The following EPM2A variants were observed in gnomAD, a reference collection of about 807,000 sequenced individuals.
The protein encoded by EPM2A is laforin.
EPM2A carries 21 observed loss-of-function variants against 26.5 expected under a neutral mutation model. That is an observed-to-expected ratio of 0.79 (90% CI 0.56 to 1.14). The LOEUF is 1.14. Ranked by LOEUF, EPM2A falls within the 50% of genes most tolerant of loss-of-function variation. The pLI is 0.00. For synonymous variants in EPM2A, 217 were observed against 177.6 expected (o/e 1.22, Z -1.76); for missense variants, 458 against 440.8 (o/e 1.04, Z -0.35).
intron 2 of EPM2A, among the ~76,000 whole-genome samples, chr6:145,538,773 T>C (rs1373002520): frequency 2.6e-5 from 4 of 152,260 alleles, no homozygotes; most frequent in Non-Finnish European, 5.9e-5. Context: ...ATGGTAGCCA[T>C]ATACAGTACT....
intron 1 of EPM2A, among the ~76,000 whole-genome samples, chr6:145,709,903 T>G (rs55810423): frequency 0.55 from 82,849 of 151,940 alleles, 23,146 homozygotes; most frequent in East Asian, 0.74. Context: ...CTGGGAAAAA[T>G]GGCTAGCCAT....
chr6:145,477,763 T>C (rs1779560619), intron 4 of EPM2A, among the ~76,000 whole-genome samples: 2 of 151,830 alleles, frequency 1.3e-5, no homozygotes, highest in Admixed American at 1.3e-4. Context: ...ACAAACTGGG[T>C]ATAGAAGGAA....
chr6:145,604,431 G>A (rs56085237), intron 2 of EPM2A, among the ~76,000 whole-genome samples: 5,595 of 152,064 alleles, frequency 0.037, 151 homozygotes, highest in Non-Finnish European at 0.06. Flanking sequence ...TAAAACATAT[G>A]TATATTTGAA....
At chr6:145,556,780 A>C (rs1374205875) in intron 2 of EPM2A, among the ~76,000 whole-genome samples, 1 of 152,106 alleles carries the variant, frequency 6.6e-6, no homozygotes, top group African/African-American at 2.4e-5. Flanking sequence ...AATATATGCA[A>C]CCATATCACA....
intron 1 of EPM2A, among the ~76,000 whole-genome samples, chr6:145,710,879 C>A (rs867299601): frequency 2.0e-5 from 3 of 149,418 alleles, no homozygotes; most frequent in South Asian, 2.1e-4. Context: ...GGACAAAAAA[C>A]CAAACACCAC....
At chr6:145,693,083 C>T (rs1305129734) in intron 1 of EPM2A, among the ~76,000 whole-genome samples, 5 of 151,846 alleles carry the variant, frequency 3.3e-5, no homozygotes, top group Non-Finnish European at 7.4e-5. Context: ...TCATCCCTGA[C>T]TCCTTTGATC....
chr6:145,593,648 T>C (rs1431158607), intron 2 of EPM2A, among the ~76,000 whole-genome samples: 2 of 152,052 alleles, frequency 1.3e-5, no homozygotes, highest in African/African-American at 2.4e-5. Context: ...TTCCCAAATA[T>C]TGAAAGACTA....
chr6:145,689,681 C>A (rs1436535884), intron 1 of EPM2A, among the ~76,000 whole-genome samples: 2 of 152,240 alleles, frequency 1.3e-5, no homozygotes, highest in African/African-American at 4.8e-5. Context: ...TCCAGTCAAA[C>A]CCACTGAAAA....
At chr6:145,613,763 C>T (rs181889522) in intron 2 of EPM2A, among the ~76,000 whole-genome samples, 6 of 152,226 alleles carry the variant, frequency 3.9e-5, no homozygotes, top group East Asian at 1.9e-4. Context: ...TGTTAATATA[C>T]TCAGTAAACC....
At chr6:145,609,064 G>C (rs567281147) in intron 2 of EPM2A, among the ~76,000 whole-genome samples, 5 of 152,322 alleles carry the variant, frequency 3.3e-5, no homozygotes, top group African/African-American at 9.6e-5. Context: ...AAAGAAGGAA[G>C]TTCTTCCAGT....
chr6:145,617,217 A>G (rs1344117103), intron 2 of EPM2A, among the ~76,000 whole-genome samples: 1 of 152,164 alleles, frequency 6.6e-6, no homozygotes, highest in Non-Finnish European at 1.5e-5. Context: ...TGATGATTTT[A>G]AAAAGGGGAG....
At chr6:145,540,497 CA>C (rs1346691896) in intron 2 of EPM2A, among the ~76,000 whole-genome samples, 3 of 152,120 alleles carry the variant, frequency 2.0e-5, no homozygotes, top group Admixed American at 2.0e-4. Flanking sequence ...ACAACCTCAA[CA>C]AATTTTTTTC....
At chr6:145,400,841 G>T (rs1421250243) in intron 4 of EPM2A, among the ~76,000 whole-genome samples, 1 of 151,808 alleles carries the variant, frequency 6.6e-6, no homozygotes, top group Admixed American at 6.6e-5. Context: ...CTTAATTTTT[G>T]GTTTCATCCG....
chr6:145,438,707 C>T (rs188217636), intron 4 of EPM2A, among the ~76,000 whole-genome samples: 138 of 152,030 alleles, frequency 9.1e-4, no homozygotes, highest in Middle Eastern at 3.4e-3. Context: ...CTCCTGACCT[C>T]GTGATCCACC....
At chr6:145,434,833 T>C (rs1425017000) in intron 4 of EPM2A, among the ~76,000 whole-genome samples, 1 of 152,122 alleles carries the variant, frequency 6.6e-6, no homozygotes, top group Non-Finnish European at 1.5e-5. Context: ...CCTCTAAATC[T>C]CATGTTGAAA....
At chr6:145,688,568 T>A (rs911590583) in intron 1 of EPM2A, among the ~76,000 whole-genome samples, 3 of 152,156 alleles carry the variant, frequency 2.0e-5, no homozygotes, top group African/African-American at 7.2e-5. Flanking sequence ...GAGCTGGAGT[T>A]ACTCATTTGA....
intron 1 of EPM2A, among the ~76,000 whole-genome samples, chr6:145,698,870 C>A (rs77480938): frequency 0.012 from 1,788 of 152,232 alleles, 12 homozygotes; most frequent in Middle Eastern, 0.075. Context: ...TCTCCTCAAG[C>A]ACACTGAGGA....
intron 4 of EPM2A, among the ~76,000 whole-genome samples, chr6:145,457,375 T>C (rs1779274870): frequency 6.6e-6 from 1 of 150,732 alleles, no homozygotes; most frequent in South Asian, 2.1e-4. Context: ...TCCCAGCTAC[T>C]CGGGAGGCTG....
At chr6:145,547,043 T>C (rs1021425431) in intron 2 of EPM2A, among the ~76,000 whole-genome samples, 4 of 152,106 alleles carry the variant, frequency 2.6e-5, no homozygotes, top group Admixed American at 6.6e-5. Flanking sequence ...TGTTCCCTTC[T>C]CCATTCTTGC....
Sources: allele counts gnomAD v4.1 joint callset (sites outside exome capture counted in the v4.1 genomes callset), GRCh38; gene constraint gnomAD v4.1.1; transcripts MANE v1.5; gene names NCBI Gene and HGNC (gene_info 2026-07-23, HGNC 2026-07-21).